Variants in KDM4C observed in about 807,000 individuals in gnomAD.
The protein encoded by KDM4C is lysine-specific demethylase 4C.
A neutral mutation model predicts 129.3 loss-of-function variants in KDM4C; 81 were observed. That is an observed-to-expected ratio of 0.63 (90% CI 0.52 to 0.75). The LOEUF (loss-of-function observed/expected upper bound fraction) is 0.75, where lower values mean the gene tolerates loss of function less well. KDM4C is among the 30% of genes least tolerant of loss of function. The probability of loss-of-function intolerance (pLI) is 0.00; values close to 1 mark genes in which losing one functional copy is unlikely to be tolerated. For missense variants in KDM4C, 1,457 were observed against 1,304.0 expected, an observed-to-expected ratio of 1.12 and a Z score of -1.81; for synonymous variants, 573 against 456.1, an observed-to-expected ratio of 1.26 and a Z score of -3.26.
intron 12 of KDM4C, among the ~76,000 whole-genome samples, chr9:7,004,592 A>T (rs1286635239): frequency 6.6e-6 from 1 of 152,140 alleles, no homozygotes; most frequent in East Asian, 1.9e-4. Flanking sequence ...GCCATAATTT[A>T]TTTGCATATT....
chr9:6,805,951 T>G (rs1186339382), intron 3 of KDM4C, among the ~76,000 whole-genome samples, 177 bp downstream of exon 3: 1 of 152,246 alleles, frequency 6.6e-6, no homozygotes, highest in Non-Finnish European at 1.5e-5. Context: ...ACATTTGACT[T>G]AAAGAAATTG....
chr9:6,779,459 A>AC (rs893270087), intron 1 of KDM4C, among the ~76,000 whole-genome samples: 5 of 152,126 alleles, frequency 3.3e-5, no homozygotes, highest in Non-Finnish European at 5.9e-5. Flanking sequence ...ACGATTCCTG[A>AC]CCCCTAGATC....
intron 15 of KDM4C, among the ~76,000 whole-genome samples, chr9:7,041,797 T>A (rs1179930028): frequency 6.6e-6 from 1 of 152,008 alleles, no homozygotes; most frequent in Non-Finnish European, 1.5e-5. Flanking sequence ...TTCTGCAGGG[T>A]CTGTTATCTG....
intron 8 of KDM4C, among the ~76,000 whole-genome samples, chr9:6,930,675 TATATAATA>T (rs532480916): frequency 0.31 from 44,913 of 146,644 alleles, 7,109 homozygotes; most frequent in Middle Eastern, 0.43. Context: ...GTACAATTAA[TATATAATA>T]TATTAATTAT....
intron 12 of KDM4C, among the ~76,000 whole-genome samples, chr9:6,998,606 G>C (rs1195818343): frequency 6.6e-6 from 1 of 152,100 alleles, no homozygotes; most frequent in African/African-American, 2.4e-5. Flanking sequence ...GACCAGCCTG[G>C]TTAACATCGC....
chr9:6,933,960 C>T (rs190038261), intron 8 of KDM4C, among the ~76,000 whole-genome samples: 279 of 152,106 alleles, frequency 1.8e-3, no homozygotes, highest in African/African-American at 6.6e-3. Context: ...AGTGATTCTC[C>T]TGCCATAGCC....
chr9:6,980,292 TC>T (rs1299850896), intron 8 of KDM4C, among the ~76,000 whole-genome samples: 1 of 152,168 alleles, frequency 6.6e-6, no homozygotes, highest in East Asian at 1.9e-4. Flanking sequence ...CATAGTAGAT[TC>T]AAAATAATTT....
intron 17 of KDM4C, among the ~76,000 whole-genome samples, chr9:7,091,945 T>C (rs753571986): frequency 3.3e-5 from 5 of 152,242 alleles, no homozygotes; most frequent in Non-Finnish European, 7.3e-5. Flanking sequence ...CGCTGTTTCC[T>C]GAAGTGTTAT....
chr9:6,911,351 C>A (rs1275816705), intron 8 of KDM4C, among the ~76,000 whole-genome samples: 1 of 152,152 alleles, frequency 6.6e-6, no homozygotes, highest in Non-Finnish European at 1.5e-5. Context: ...GGATAAATTA[C>A]CTGTTTCTAG....
At chr9:7,066,385 C>T (rs1047002056) in intron 17 of KDM4C, among the ~76,000 whole-genome samples, 9 of 152,124 alleles carry the variant, frequency 5.9e-5, no homozygotes, top group Non-Finnish European at 1.3e-4. Context: ...TTGGAAGGCA[C>T]AAGAGAAGGG....
intron 19 of KDM4C, among the ~76,000 whole-genome samples, chr9:7,141,183 G>T (rs1467706276): frequency 1.3e-5 from 2 of 152,158 alleles, no homozygotes; most frequent in African/African-American, 4.8e-5. Flanking sequence ...AAGTCCACAG[G>T]GGTGTCCAAA....
intron 15 of KDM4C, among the ~76,000 whole-genome samples, chr9:7,026,367 G>GT (rs929638297): frequency 1.1e-4 from 16 of 151,014 alleles, no homozygotes; most frequent in South Asian, 4.2e-4. Context: ...TAGGGTAAAT[G>GT]TTTTTTTTTC....
chr9:6,827,081 T>C lies in KDM4C; in HGVS notation c.435+12336T>C, dbSNP rs1182558737. Among the ~76,000 whole-genome samples the C allele has an allele frequency of 2.6e-5, 4 of 152,174 alleles. No homozygotes were observed. In the East Asian group the frequency reaches 7.7e-4, roughly 29 times the overall value. On this transcript the variant is annotated intron_variant, in intron 4 of 21. Coordinates refer to ENST00000381309, the MANE Select transcript of KDM4C (RefSeq NM_015061.6). ...GCTGCTAACCTGAGAGAGTGGCACCTTGCACAGACACCCACTGCCCCATTT... is the reference window on the plus strand; with the variant it reads ...GCTGCTAACCTGAGAGAGTGGCACCCTGCACAGACACCCACTGCCCCATTT...
At chr9:6,859,010 C>T (rs1345645239) in intron 5 of KDM4C, among the ~76,000 whole-genome samples, 1 of 152,136 alleles carries the variant, frequency 6.6e-6, no homozygotes, top group African/African-American at 2.4e-5. Flanking sequence ...GCTAGGATTA[C>T]AAATAGATTT....
chr9:7,076,539 A>G (rs1833941082), intron 17 of KDM4C: 3 of 1,535,580 alleles, frequency 2.0e-6, no homozygotes, highest in South Asian at 2.4e-5. Context: ...CCCCTCCGCC[A>G]CTGTTTCAGA....
At chr9:7,170,974 A>G (rs1844901968) in intron 21 of KDM4C, 1 of 185,034 alleles carries the variant, frequency 5.4e-6, no homozygotes, top group African/African-American at 2.4e-5. Flanking sequence ...GCAAGTTTAC[A>G]GATTTGTGTT....
chr9:6,959,881 C>G (rs539089190), intron 8 of KDM4C, among the ~76,000 whole-genome samples: 2 of 152,132 alleles, frequency 1.3e-5, no homozygotes, highest in South Asian at 2.1e-4. Context: ...GAAATAAAAG[C>G]CTGACCTAAG....
intron 1 of KDM4C, among the ~76,000 whole-genome samples, chr9:6,739,180 C>A (rs1754635819): frequency 6.6e-6 from 1 of 152,036 alleles, no homozygotes; most frequent in African/African-American, 2.4e-5. Context: ...TCAAGCGATT[C>A]TTGTGCCTCA....
At chr9:6,852,371 A>G (rs1245913786) in intron 5 of KDM4C, among the ~76,000 whole-genome samples, 1 of 152,202 alleles carries the variant, frequency 6.6e-6, no homozygotes, top group Non-Finnish European at 1.5e-5. Context: ...GCTTTGGGCA[A>G]ATAACTCTGC....
Sources: allele counts gnomAD v4.1 joint callset (sites outside exome capture counted in the v4.1 genomes callset), GRCh38; gene constraint gnomAD v4.1.1; transcripts MANE v1.5; gene names NCBI Gene and HGNC (gene_info 2026-07-23, HGNC 2026-07-21).